CEP170: variants seen among roughly 807,000 people sequenced by gnomAD.
CEP170 encodes the protein centrosomal protein 170.
In CEP170, 21 loss-of-function variants were observed where a neutral mutation model predicts 151.9. That is an observed-to-expected ratio of 0.14 (90% confidence interval 0.10 to 0.20). The LOEUF is 0.20. Ranked by LOEUF, CEP170 falls within the 10% of genes least tolerant of loss-of-function variation. CEP170 has a pLI of 1.00. For missense variants in CEP170, 964 were observed against 1,892.9 expected, an observed-to-expected ratio of 0.51 and a Z score of 9.11; for synonymous variants, 356 against 648.8, an observed-to-expected ratio of 0.55 and a Z score of 6.86.
chr1:243,139,299 A>C (rs1341903365), intron 16 of CEP170, among the ~76,000 whole-genome samples: 22 of 152,010 alleles, frequency 1.4e-4, no homozygotes, highest in Non-Finnish European at 2.8e-4. Context: ...ACGGAGTTTC[A>C]CCATGTTGGC....
chr1:243,168,460 A>G (rs1418667186), intron 12 of CEP170: 1 of 151,904 alleles, frequency 6.6e-6, no homozygotes, highest in African/African-American at 2.4e-5. Context: ...GTTTATTGTA[A>G]GTTGACAATT....
At chr1:243,221,935 G>A in intron 2 of CEP170, 122 bp from the exon 3 acceptor site, 2 of 793,632 alleles carry the variant, frequency 2.5e-6, no homozygotes, top group Non-Finnish European at 3.8e-6. Context: ...AAGTAAGTGT[G>A]GATTAAATGA....
chr1:243,188,490 A>G (rs1239846371), intron 8 of CEP170, among the ~76,000 whole-genome samples: 1 of 152,116 alleles, frequency 6.6e-6, no homozygotes, highest in Admixed American at 6.6e-5. Context: ...TTCTGTTTCT[A>G]CTCATTAAAA....
chr1:243,232,950 G>A (rs1221221103), intron 1 of CEP170, among the ~76,000 whole-genome samples: 2 of 152,180 alleles, frequency 1.3e-5, no homozygotes, highest in Non-Finnish European at 2.9e-5. Context: ...CAATGAATGA[G>A]TAGCTTTGGA....
chr1:243,186,547 C>T (rs1199216304), intron 8 of CEP170, 125 bp from the exon 9 acceptor site: 2 of 1,024,366 alleles, frequency 2.0e-6, no homozygotes, highest in South Asian at 3.7e-5. Context: ...CATATGTTCT[C>T]TTCAGTAACA....
intron 1 of CEP170, among the ~76,000 whole-genome samples, chr1:243,230,123 G>A (rs945094190): frequency 3.3e-5 from 5 of 152,034 alleles, no homozygotes; most frequent in African/African-American, 1.2e-4. Context: ...GGTGGAGGCA[G>A]GAGGATTCCT....
At chr1:243,244,589 G>A (rs1421814959) in intron 1 of CEP170, among the ~76,000 whole-genome samples, 1 of 151,732 alleles carries the variant, frequency 6.6e-6, no homozygotes, top group Non-Finnish European at 1.5e-5. Context: ...CCAAAAACAC[G>A]AAAAAATTAA....
intron 11 of CEP170, among the ~76,000 whole-genome samples, chr1:243,171,366 T>C (rs2058829553): frequency 6.6e-6 from 1 of 152,188 alleles, no homozygotes. Flanking sequence ...AACAAACATA[T>C]AGGTCTATTT....
intron 8 of CEP170, among the ~76,000 whole-genome samples, chr1:243,189,546 ACT>A (rs1327818555): frequency 6.9e-6 from 1 of 145,816 alleles, no homozygotes; most frequent in African/African-American, 2.6e-5. Flanking sequence ...ACAAAGCGAG[ACT>A]CTGTCTCCAA....
intron 19 of CEP170, 61 bp from the exon 20 acceptor site, chr1:243,126,799 C>G: frequency 6.9e-7 from 1 of 1,445,760 alleles, no homozygotes; most frequent in South Asian, 1.4e-5. Flanking sequence ...AAACACTGTT[C>G]ATGATTTGGA....
rs1441125022 is a variant in CEP170 at position 243,172,716 on chromosome 1, G to T, written c.1697C>A (p.Ser566Tyr). Residue 566 changes from serine (S) to tyrosine (Y), a missense_variant, in exon 11 of 20, where the codon TCT becomes TAT. Transcript: ENST00000366542. ...GTATACCTCTGAGTGGTGAAATCCA[G>T]ATGTAGTCAGTGGTTTTCTTTCTTC... ...VMEERKPLTT[S>Y]GFHHSEEGTS... 2 of 1,593,562 alleles carry T rather than the reference G, an allele frequency of 1.3e-6. No individual in the cohort carries two copies. Among genetic ancestry groups the T allele is most frequent in the African/African-American group, 1.3e-5 (1 of 74,414 alleles).
chr1:243,157,016 C>T (rs2057623637), intron 13 of CEP170, among the ~76,000 whole-genome samples: 1 of 152,160 alleles, frequency 6.6e-6, no homozygotes. Flanking sequence ...CTCTGTCATT[C>T]AACATCCTGT....
chr1:243,189,322 T>A (rs936599648), intron 8 of CEP170, among the ~76,000 whole-genome samples: 2 of 151,880 alleles, frequency 1.3e-5, no homozygotes, highest in African/African-American at 4.8e-5. Context: ...TTTGGGAGGC[T>A]AAGGTGGGTG....
At chr1:243,128,386 T>C (rs2053959542) in intron 18 of CEP170, 86 bp from the exon 19 acceptor site, 1 of 1,153,200 alleles carries the variant, frequency 8.7e-7, no homozygotes, top group Non-Finnish European at 1.2e-6. Flanking sequence ...CTCACTTTAT[T>C]TGGAACACTT....
At chr1:243,184,643 A>G (rs1251617999) in intron 10 of CEP170, among the ~76,000 whole-genome samples, 2 of 152,120 alleles carry the variant, frequency 1.3e-5, no homozygotes, top group Non-Finnish European at 2.9e-5. Context: ...TTTATACACT[A>G]TAGAACACAA....
In CEP170 at chr1:243,176,477, A is replaced by G. The variant is rs1301023406; in HGVS notation, c.1567-3631T>C. ...TCTCTCCTACAGTTCCCCCGATCCG[A>G]GTAGATACATCTCTGTGGAGTGAGC... is the stretch of plus-strand genomic sequence containing the variant. On this transcript the variant is annotated intron_variant, in intron 10 of 19. Transcript: ENST00000366542. Among the ~76,000 whole-genome samples, 3 of 20,472 alleles carry G rather than the reference A, an allele frequency of 1.5e-4. No homozygotes were observed. The East Asian group carries it at 9.0e-3, about 62-fold the overall frequency. 13.4% of individuals were successfully genotyped at this position (20,472 alleles called of 152,430 possible).
At chr1:243,190,545 A>C (rs1422414917) in intron 8 of CEP170, among the ~76,000 whole-genome samples, 1 of 152,234 alleles carries the variant, frequency 6.6e-6, no homozygotes, top group African/African-American at 2.4e-5. Flanking sequence ...AACCACTGAG[A>C]ATACTTTGAA....
intron 3 of CEP170, among the ~76,000 whole-genome samples, chr1:243,212,593 G>C (rs928640699): frequency 2.0e-5 from 3 of 151,938 alleles, no homozygotes; most frequent in Non-Finnish European, 2.9e-5. Flanking sequence ...TCCAAACAAC[G>C]CTAAAAGTGA....
At chr1:243,145,605 A>G (rs1409713724) in intron 14 of CEP170, among the ~76,000 whole-genome samples, 8 of 152,138 alleles carry the variant, frequency 5.3e-5, no homozygotes, top group Non-Finnish European at 1.0e-4. Context: ...TAGCACATTC[A>G]TTTTCAAACG....
Sources: allele counts gnomAD v4.1 joint callset (sites outside exome capture counted in the v4.1 genomes callset), GRCh38; gene constraint gnomAD v4.1.1; transcripts MANE v1.5; gene names NCBI Gene and HGNC (gene_info 2026-07-23, HGNC 2026-07-21).